EXT2: variants seen among roughly 807,000 people sequenced by gnomAD.
The protein encoded by EXT2 is exostosin glycosyltransferase 2, also known as exostosin-2.
In EXT2, 53 loss-of-function variants were observed where a neutral mutation model predicts 81.6. The ratio of observed to expected loss-of-function variants is 0.65; its 90% CI spans 0.52 to 0.82. The LOEUF (loss-of-function observed/expected upper bound fraction) is 0.82, where lower values mean the gene tolerates loss of function less well. Ranked by LOEUF, EXT2 falls within the 40% of genes least tolerant of loss-of-function variation. The pLI, the probability that EXT2 is intolerant of heterozygous loss-of-function variation, is 0.00. For missense variants in EXT2, 774 were observed against 910.2 expected (o/e 0.85, Z 1.93); for synonymous variants, 320 against 340.0 (o/e 0.94, Z 0.65).
At chr11:44,199,640 AC>A (rs1955499204) in intron 9 of EXT2, among the ~76,000 whole-genome samples, 1 of 152,260 alleles carries the variant, frequency 6.6e-6, no homozygotes, top group Non-Finnish European at 1.5e-5. Context: ...CTGGTTAGCC[AC>A]TTTAGGCATA....
rs1449562701 is a variant in EXT2, at chr11:44,249,656, A to G, written c.*5369A>G. Among the ~76,000 whole-genome samples the G allele has an allele frequency of 6.6e-6, 1 of 152,254 alleles. No homozygotes were observed. The highest frequency in any genetic ancestry group is 1.5e-5 in the Non-Finnish European group (1 of 68,042). On this transcript the variant is annotated 3_prime_UTR_variant, in exon 14 of 14. Transcript: ENST00000533608. ...GCTACTATACCCAAGCATCAACTCA[A>G]GGAACATTTGGTTTTCTGGTGAGCA...
intron 12 of EXT2, among the ~76,000 whole-genome samples, chr11:44,235,070 G>C (rs1399728107): frequency 6.6e-6 from 1 of 152,102 alleles, no homozygotes; most frequent in East Asian, 1.9e-4. Context: ...ATAGGGAATA[G>C]GAAAAATCAC....
At chr11:44,135,454 C>T (rs888703975) in intron 7 of EXT2, among the ~76,000 whole-genome samples, 11 of 146,520 alleles carry the variant, frequency 7.5e-5, no homozygotes, top group African/African-American at 2.6e-4. Flanking sequence ...TGCAGTGGTG[C>T]GATCTCAGCT....
intron 9 of EXT2, among the ~76,000 whole-genome samples, chr11:44,202,816 T>G (rs1955537285): frequency 6.6e-6 from 1 of 152,218 alleles, no homozygotes; most frequent in Admixed American, 6.5e-5. Flanking sequence ...CTCAGAGTGT[T>G]TAACTTGTTC....
intron 7 of EXT2, among the ~76,000 whole-genome samples, chr11:44,137,540 G>A (rs747720889): frequency 4.7e-5 from 7 of 150,104 alleles, no homozygotes; most frequent in Non-Finnish European, 1.0e-4. Flanking sequence ...GAGAATTAGG[G>A]TCCCTAATTT....
intron 7 of EXT2, among the ~76,000 whole-genome samples, chr11:44,138,705 G>A (rs947211774): frequency 3.3e-5 from 5 of 152,202 alleles, no homozygotes; most frequent in Non-Finnish European, 7.3e-5. Context: ...TTTGAGGAAA[G>A]TTGGTACTGG....
intron 10 of EXT2, among the ~76,000 whole-genome samples, chr11:44,219,267 T>G (rs1387048860): frequency 6.6e-6 from 1 of 152,052 alleles, no homozygotes; most frequent in Non-Finnish European, 1.5e-5. Flanking sequence ...TTTGGGAACC[T>G]GAGGTGAGAG....
At chr11:44,148,833 G>A (rs888161229) in intron 7 of EXT2, among the ~76,000 whole-genome samples, 6 of 152,098 alleles carry the variant, frequency 3.9e-5, no homozygotes, top group East Asian at 1.9e-4. Context: ...GGTGAGCATC[G>A]TCATTATCTG....
intron 7 of EXT2, among the ~76,000 whole-genome samples, chr11:44,154,152 C>T (rs901517810): frequency 6.6e-6 from 1 of 151,990 alleles, no homozygotes; most frequent in Non-Finnish European, 1.5e-5. Flanking sequence ...GACGTTCCAA[C>T]TATAGTCTTT....
At position 44,243,097 on chromosome 11, in the gene EXT2, A is replaced by G. The variant is rs79435613; in HGVS notation, c.2019-1052A>G. 4.9e-3 allele frequency among the ~76,000 whole-genome samples: 746 copies of G among 152,356 alleles called. 7 individuals carry two copies. Among genetic ancestry groups the G allele is most frequent in the East Asian group, 0.044 (227 of 5,188 alleles). ...AATAATAACAAATTTTTTTAGAAACATAATGACCAAGAGAGAAGTTTGTTC... is the reference window on the plus strand; with the variant it reads ...AATAATAACAAATTTTTTTAGAAACGTAATGACCAAGAGAGAAGTTTGTTC... On this transcript the variant is annotated intron_variant, in intron 13 of 13. Coordinates refer to ENST00000533608, the MANE Select transcript of EXT2 (RefSeq NM_207122.2).
intron 1 of EXT2, among the ~76,000 whole-genome samples, chr11:44,101,020 A>G (rs1441101245): frequency 2.0e-5 from 3 of 152,184 alleles, no homozygotes; most frequent in Admixed American, 2.0e-4. Flanking sequence ...CTCAGATCTC[A>G]GCATTGCCTG....
At chr11:44,157,760 C>T (rs556588269) in intron 7 of EXT2, among the ~76,000 whole-genome samples, 16 of 152,312 alleles carry the variant, frequency 1.1e-4, no homozygotes, top group African/African-American at 3.6e-4. Flanking sequence ...ACAAAGCCCC[C>T]TTTTCTCTCT....
At chr11:44,131,005 G>T (rs1236336712) in intron 7 of EXT2, among the ~76,000 whole-genome samples, 1 of 152,206 alleles carries the variant, frequency 6.6e-6, no homozygotes, top group Non-Finnish European at 1.5e-5. Context: ...GCATCTGCCT[G>T]GCTGTGTGGG....
At chr11:44,198,871 A>G (rs184497417) in intron 9 of EXT2, among the ~76,000 whole-genome samples, 1 of 152,326 alleles carries the variant, frequency 6.6e-6, no homozygotes, top group East Asian at 1.9e-4. Flanking sequence ...GGGAAAGTCA[A>G]CCTTGAAAAT....
chr11:44,212,292 TAAAAA>T (rs1955658002), intron 10 of EXT2, among the ~76,000 whole-genome samples: 1 of 105,566 alleles, frequency 9.5e-6, no homozygotes, highest in South Asian at 2.8e-4. Context: ...CTTAAAAAAA[TAAAAA>T]TATAAATAAA....
At chr11:44,236,490 A>G in intron 13 of EXT2, 115 bp downstream of exon 13, 1 of 919,904 alleles carries the variant, frequency 1.1e-6, no homozygotes, top group Non-Finnish European at 1.7e-6. Flanking sequence ...AGCCATAGTC[A>G]CCTCCATGTG....
intron 4 of EXT2, among the ~76,000 whole-genome samples, chr11:44,119,869 G>A (rs1281036902): frequency 6.6e-6 from 1 of 152,240 alleles, no homozygotes; most frequent in Non-Finnish European, 1.5e-5. Flanking sequence ...AGTGACATGT[G>A]AGGACTGGTC....
At chr11:44,130,233 G>A (rs1954473079) in intron 7 of EXT2, 95 bp downstream of exon 7, 1 of 926,420 alleles carries the variant, frequency 1.1e-6, no homozygotes. Context: ...CCTGAGTGGG[G>A]TTTACTTCCT....
Position 44,244,360 on chromosome 11 carries a change from T to C in EXT2, c.*73T>C. The C allele has an allele frequency of 6.6e-7, 1 of 1,524,120 alleles. No homozygotes were observed. Among genetic ancestry groups the C allele is most frequent in the Non-Finnish European group, 9.1e-7 (1 of 1,099,050 alleles). 94.4% of individuals were successfully genotyped at this position (1,524,120 alleles called of 1,614,324 possible). A position where few individuals can be genotyped will look rare whatever the true frequency, so the allele number is the denominator to read the frequency against. On this transcript the variant is annotated 3_prime_UTR_variant, in exon 14 of 14. Transcript: ENST00000533608. Reference sequence around the variant, plus strand: ...AGAACAAGGCCTCCCAGCACTCTGATGTCAGAGTAGTAGGTTAAGGGTGGA... The same window carrying C: ...AGAACAAGGCCTCCCAGCACTCTGACGTCAGAGTAGTAGGTTAAGGGTGGA...
Sources: gnomAD v4.1 joint callset for allele counts (sites outside exome capture counted in the v4.1 genomes callset) on GRCh38, gnomAD v4.1.1 for gene constraint, MANE v1.5 for transcripts, NCBI Gene and HGNC (gene_info 2026-07-23, HGNC 2026-07-21) for gene names.